Variants in ANKS1A observed in about 807,000 individuals in gnomAD.
The protein encoded by ANKS1A is ankyrin repeat and SAM domain-containing protein 1A.
A neutral mutation model predicts 120.3 loss-of-function variants in ANKS1A; 55 were observed. That is an observed-to-expected ratio of 0.46 (90% CI 0.37 to 0.57). ANKS1A has a LOEUF of 0.57. Ranked by LOEUF, ANKS1A falls within the 20% of genes least tolerant of loss-of-function variation. ANKS1A has a pLI of 0.00. For synonymous variants in ANKS1A, 590 were observed against 604.7 expected (o/e 0.98, Z 0.36); for missense variants, 1,123 against 1,480.3 (o/e 0.76, Z 3.96).
intron 13 of ANKS1A, among the ~76,000 whole-genome samples, chr6:35,070,521 A>G (rs2820225): frequency 0.81 from 111,366 of 137,266 alleles, 45,562 homozygotes; most frequent in South Asian, 0.92. Flanking sequence ...AGACAGTCTC[A>G]CTCTGTTGCC....
At chr6:34,952,230 C>T (rs1770125454) in intron 1 of ANKS1A, among the ~76,000 whole-genome samples, 1 of 152,180 alleles carries the variant, frequency 6.6e-6, no homozygotes, top group Admixed American at 6.5e-5. Flanking sequence ...TTAAAGTATA[C>T]TTGGCCCATA....
At chr6:35,094,811 C>G (rs189077055), downstream of ANKS1A, among the ~76,000 whole-genome samples, 93 of 150,920 alleles carry the variant, frequency 6.2e-4, 1 homozygote, top group Admixed American at 2.4e-3. Context: ...AAAGATCTAA[C>G]ATTGTGTCAA....
At chr6:34,945,856 T>C (rs1309503001) in intron 1 of ANKS1A, among the ~76,000 whole-genome samples, 2 of 152,162 alleles carry the variant, frequency 1.3e-5, no homozygotes, top group African/African-American at 4.8e-5. Context: ...TATATTTGGC[T>C]ATAATATTTC....
At chr6:34,891,169 G>A (rs1766804323) in intron 1 of ANKS1A, among the ~76,000 whole-genome samples, 1 of 152,210 alleles carries the variant, frequency 6.6e-6, no homozygotes, top group Non-Finnish European at 1.5e-5. Flanking sequence ...GAGGATTTGG[G>A]TAGGTGAGTT....
intron 1 of ANKS1A, among the ~76,000 whole-genome samples, chr6:34,932,549 T>A (rs1172308966): frequency 1.3e-5 from 2 of 151,850 alleles, no homozygotes; most frequent in Non-Finnish European, 2.9e-5. Context: ...CACACCTGGC[T>A]AATTTTTGTA....
intron 11 of ANKS1A, among the ~76,000 whole-genome samples, chr6:35,024,114 G>A (rs1034369272): frequency 6.6e-6 from 1 of 152,080 alleles, no homozygotes; most frequent in Non-Finnish European, 1.5e-5. Flanking sequence ...CTATAAGAAA[G>A]AAACCTGTTC....
At chr6:35,075,395 A>C (rs1019638108) in intron 13 of ANKS1A, among the ~76,000 whole-genome samples, 4 of 151,818 alleles carry the variant, frequency 2.6e-5, no homozygotes, top group African/African-American at 9.7e-5. Flanking sequence ...AACTCATTTC[A>C]TAGATAAAAG....
Position 35,079,126 on chromosome 6 carries a change from G to A in ANKS1A, c.2284-390G>A, listed in dbSNP as rs1561962049. ...CCTCTCCCCTGCACTTGTGCTGAAT[G>A]CAGTGGCCCCGTCCCTTCTACCTGT... On this transcript the variant is annotated intron_variant, in intron 14 of 23. Transcript: ENST00000360359. 2.6e-5 allele frequency among the ~76,000 whole-genome samples: 4 copies of A among 152,352 alleles called. No individual in the cohort carries two copies. The East Asian group carries it at 7.7e-4, about 29-fold the overall frequency.
At chr6:35,051,197 G>GA (rs373285249) in intron 11 of ANKS1A, among the ~76,000 whole-genome samples, 18 of 147,304 alleles carry the variant, frequency 1.2e-4, no homozygotes, top group African/African-American at 3.7e-4. Context: ...ATGTCTCAAA[G>GA]AAAAAAAAAA....
intron 1 of ANKS1A, among the ~76,000 whole-genome samples, chr6:34,902,394 A>G (rs1218687483): frequency 6.6e-6 from 1 of 151,932 alleles, no homozygotes; most frequent in Non-Finnish European, 1.5e-5. Context: ...GATTACAGGC[A>G]TGCGCCACCA....
At chr6:35,008,704 T>G (rs373716524) in intron 10 of ANKS1A, among the ~76,000 whole-genome samples, 21 of 150,434 alleles carry the variant, frequency 1.4e-4, no homozygotes, top group African/African-American at 2.2e-4. Context: ...ACATGTATAT[T>G]ATGCATTTAT....
chr6:35,092,718 C>A (rs372886001), downstream of ANKS1A, among the ~76,000 whole-genome samples: 4 of 152,222 alleles, frequency 2.6e-5, no homozygotes, highest in Non-Finnish European at 4.4e-5. Flanking sequence ...CTTCTGGGAC[C>A]ACCTTACACA....
chr6:35,085,641 G>A lies in ANKS1A; in HGVS notation c.3133-125G>A. On this transcript the variant is annotated intron_variant, in intron 21 of 23. Transcript: ENST00000360359. This position sits in a 1 kb window ranked among gnomAD's most constrained non-coding sequence, Gnocchi z 4.7. ...TAAAGGAGGGAAAGGAGGGAAGAGTGGAAGGAGGTAGGAGCGCTCCCGGGT... is the reference window on the plus strand; with the variant it reads ...TAAAGGAGGGAAAGGAGGGAAGAGTAGAAGGAGGTAGGAGCGCTCCCGGGT... 1.1e-6 allele frequency: 1 copy of A among 888,760 alleles called. No individual in the cohort carries two copies. The highest frequency in any genetic ancestry group is 1.6e-6 in the Non-Finnish European group (1 of 609,264). The allele number at this position is 888,760 out of a possible 1,614,324, so 55.1% of individuals were successfully genotyped here.
At chr6:35,023,821 A>G (rs77797133) in intron 11 of ANKS1A, 4,352 of 238,152 alleles carry the variant, frequency 0.018, 77 homozygotes, top group African/African-American at 0.049. Context: ...GAAAGAATGC[A>G]GACAGAAATA....
chr6:35,040,667 ACT>A (rs1473560654), intron 11 of ANKS1A, among the ~76,000 whole-genome samples: 1 of 152,000 alleles, frequency 6.6e-6, no homozygotes, highest in Non-Finnish European at 1.5e-5. Flanking sequence ...TCAGTCTCAG[ACT>A]CTCTCTACAC....
Position 34,970,149 on chromosome 6 carries a change from A to G in ANKS1A, c.418A>G (p.Thr140Ala), listed in dbSNP as rs749363646. 3.1e-6 allele frequency: 5 copies of G among 1,613,540 alleles called. No individual in the cohort carries two copies. The highest frequency in any genetic ancestry group is 2.7e-5 in the African/African-American group (2 of 74,882). Residue 140 changes from threonine (T) to alanine (A), a missense_variant, in exon 3 of 24, where the codon ACC becomes GCC. By Grantham distance (58) the Thr-to-Ala change is moderately conservative. Transcript: ENST00000360359. The stretch of plus-strand genomic sequence containing the variant: ...GCTCATCCATCAAGGGCCTTCACAC[A>G]CCAGAGTCAATGAACAGGTCGGAAG... The part of the protein sequence containing the change: ...RLLIHQGPSH[T>A]RVNEQNNDNE...
intron 13 of ANKS1A, among the ~76,000 whole-genome samples, chr6:35,071,854 G>A (rs1236185112): frequency 6.6e-6 from 1 of 152,260 alleles, no homozygotes; most frequent in East Asian, 1.9e-4. Context: ...CAGGGCTGCA[G>A]GAAGCAGCCC....
intron 1 of ANKS1A, among the ~76,000 whole-genome samples, chr6:34,962,532 A>G (rs1222803227): frequency 1.3e-5 from 2 of 152,128 alleles, no homozygotes; most frequent in African/African-American, 2.4e-5. Flanking sequence ...TCATGCCTGT[A>G]ATCCCAGCAC....
chr6:34,902,653 T>C (rs912664366), intron 1 of ANKS1A, among the ~76,000 whole-genome samples: 1 of 151,980 alleles, frequency 6.6e-6, no homozygotes, highest in Non-Finnish European at 1.5e-5. Context: ...TTAAAAGATG[T>C]CTTTTTCCAG....
Sources: allele counts gnomAD v4.1 joint callset (sites outside exome capture counted in the v4.1 genomes callset), GRCh38; gene constraint gnomAD v4.1.1; non-coding constraint Gnocchi (gnomAD v3.1); transcripts MANE v1.5; gene names NCBI Gene and HGNC (gene_info 2026-07-23, HGNC 2026-07-21).